VAV1: variants seen among roughly 807,000 people sequenced by gnomAD.
VAV1 encodes vav guanine nucleotide exchange factor 1, also known as proto-oncogene vav.
VAV1 carries 33 observed loss-of-function variants against 128.1 expected under a neutral mutation model. The ratio of observed to expected loss-of-function variants is 0.26; its 90% CI spans 0.20 to 0.34. The LOEUF is 0.34. Ranked by LOEUF, VAV1 falls within the 10% of genes least tolerant of loss-of-function variation. The pLI is 1.00. For synonymous variants in VAV1, 394 were observed against 409.8 expected, an observed-to-expected ratio of 0.96 and a Z score of 0.47; for missense variants, 715 against 1,093.7, an observed-to-expected ratio of 0.65 and a Z score of 4.88.
intron 6 of VAV1, 27 bp from the exon 7 acceptor site, chr19:6,825,026 C>T (rs779506427): frequency 4.7e-5 from 76 of 1,612,412 alleles, no homozygotes; most frequent in Non-Finnish European, 6.0e-5. Context: ...TCTTATCTTC[C>T]GTCATCTTTC....
chr19:6,831,592 G>A (rs1263202957), intron 14 of VAV1, among the ~76,000 whole-genome samples: 1 of 152,184 alleles, frequency 6.6e-6, no homozygotes, highest in East Asian at 1.9e-4. Context: ...GATTACAGGT[G>A]TAAGCCACCG....
At chr19:6,774,073 G>A (rs1202384670) in intron 1 of VAV1, among the ~76,000 whole-genome samples, 1 of 152,116 alleles carries the variant, frequency 6.6e-6, no homozygotes, top group Non-Finnish European at 1.5e-5. Flanking sequence ...GTTTTCAGGG[G>A]CAGGGCCATT....
chr19:6,856,782 T>C (rs1432002583), intron 26 of VAV1, among the ~76,000 whole-genome samples: 1 of 148,202 alleles, frequency 6.7e-6, no homozygotes, highest in Non-Finnish European at 1.5e-5. Context: ...CTAAGGAGTG[T>C]TGGGGTGGGT....
At chr19:6,845,752 ATTTAC>A (rs1408079479) in intron 22 of VAV1, among the ~76,000 whole-genome samples, 3 of 148,300 alleles carry the variant, frequency 2.0e-5, no homozygotes, top group Non-Finnish European at 4.5e-5. Context: ...TAGGTTACCT[ATTTAC>A]TTTACATTAT....
At chr19:6,789,622 G>A (rs1370766042) in intron 1 of VAV1, among the ~76,000 whole-genome samples, 1 of 144,810 alleles carries the variant, frequency 6.9e-6, no homozygotes, top group South Asian at 2.1e-4. Flanking sequence ...CTTTCTGATG[G>A]AGTCTCTCTC....
intron 1 of VAV1, among the ~76,000 whole-genome samples, chr19:6,781,873 G>T (rs1288706571): frequency 6.6e-6 from 1 of 152,112 alleles, no homozygotes; most frequent in Non-Finnish European, 1.5e-5. Context: ...CTCCCAAAGT[G>T]CTGGGATTAC....
At chr19:6,844,633 A>G (rs1236201181) in intron 22 of VAV1, among the ~76,000 whole-genome samples, 1 of 152,124 alleles carries the variant, frequency 6.6e-6, no homozygotes, top group Non-Finnish European at 1.5e-5. Context: ...AGGCCCAGAG[A>G]GGCAAAACCA....
chr19:6,828,331 A>G lies in VAV1; in HGVS notation c.1024-88A>G. The G allele has an allele frequency of 6.4e-7, 1 of 1,563,334 alleles. No homozygotes were observed. Among genetic ancestry groups the G allele is most frequent in the Non-Finnish European group, 8.8e-7 (1 of 1,138,338 alleles). ...TCCAGGGTCAGCAGTACGATGGAGG[A>G]GCTGGTGAGCTAGCATTGTTTGGAA... On this transcript the variant is annotated intron_variant, in intron 10 of 26. Coordinates refer to ENST00000602142, the MANE Select transcript of VAV1 (RefSeq NM_005428.4). The surrounding 1 kb of genome is among the most constrained non-coding windows in gnomAD (Gnocchi z 4.5).
chr19:6,833,782 A>G (rs1474600046), intron 18 of VAV1, 49 bp downstream of exon 18: 7 of 1,613,446 alleles, frequency 4.3e-6, no homozygotes, highest in African/African-American at 1.3e-5. Flanking sequence ...AATGGGCAAC[A>G]GCGCGGGGAG....
At chr19:6,836,740 C>G (rs1436309927) in intron 20 of VAV1, among the ~76,000 whole-genome samples, 172 bp downstream of exon 20, 1 of 151,678 alleles carries the variant, frequency 6.6e-6, no homozygotes, top group Non-Finnish European at 1.5e-5. Context: ...GGGCCATCTT[C>G]CCAGGAAGCT....
intron 21 of VAV1, among the ~76,000 whole-genome samples, chr19:6,840,129 C>T (rs1439788473): frequency 1.3e-5 from 2 of 152,158 alleles, no homozygotes; most frequent in Non-Finnish European, 2.9e-5. Context: ...CACCTATTCC[C>T]CTCTCCCAGC....
chr19:6,847,939 C>CA, intron 22 of VAV1, 59 bp from the exon 23 acceptor site: 3 of 1,406,080 alleles, frequency 2.1e-6, no homozygotes, highest in Middle Eastern at 5.2e-4. Flanking sequence ...CTCCATATGG[C>CA]AATATGGGGA....
intron 26 of VAV1, among the ~76,000 whole-genome samples, chr19:6,854,962 A>G (rs1972757258): frequency 6.6e-6 from 1 of 152,194 alleles, no homozygotes; most frequent in Non-Finnish European, 1.5e-5. Context: ...TACTGAATAT[A>G]CAAAGAGGTA....
rs1971920216 is a variant in VAV1 at position 6,826,430 on chromosome 19, A to C, written c.828-182A>C. ...CTGTGGTGAAATTACTGTAGCATTA[A>C]ATGAGATAATGCTACAATAGCCTCA... On this transcript the variant is annotated intron_variant, in intron 8 of 26. Coordinates refer to ENST00000602142, the MANE Select transcript of VAV1 (RefSeq NM_005428.4). The surrounding 1 kb of genome is among the most constrained non-coding windows in gnomAD (Gnocchi z 4.1). 6.6e-6 allele frequency among the ~76,000 whole-genome samples: 1 copy of C among 152,216 alleles called. No individual in the cohort carries two copies. Among genetic ancestry groups the C allele is most frequent in the African/African-American group, 2.4e-5 (1 of 41,468 alleles).
At chr19:6,843,919 T>C (rs545391871) in intron 22 of VAV1, among the ~76,000 whole-genome samples, 5 of 152,134 alleles carry the variant, frequency 3.3e-5, no homozygotes, top group South Asian at 4.2e-4. Flanking sequence ...TCTTTCATAA[T>C]GGCACATAAA....
chr19:6,838,861 T>C (rs1358307984), intron 21 of VAV1, among the ~76,000 whole-genome samples: 1 of 151,952 alleles, frequency 6.6e-6, no homozygotes, highest in Non-Finnish European at 1.5e-5. Context: ...CCTGAGTAGC[T>C]GGGACCACAG....
intron 26 of VAV1, among the ~76,000 whole-genome samples, chr19:6,856,201 G>C (rs1443821199): frequency 6.6e-6 from 1 of 152,118 alleles, no homozygotes; most frequent in Non-Finnish European, 1.5e-5. Flanking sequence ...TTAAGCTGAG[G>C]CAGGAGAATC....
At chr19:6,806,397 T>A (rs982753713) in intron 1 of VAV1, among the ~76,000 whole-genome samples, 3 of 152,216 alleles carry the variant, frequency 2.0e-5, no homozygotes, top group Non-Finnish European at 4.4e-5. Context: ...CAATTTTTTT[T>A]AATGAAAATA....
rs74862548 is a variant in VAV1 at position 6,820,975 on chromosome 19, G to A, written c.321+157G>A. Among the ~76,000 whole-genome samples the A allele has an allele frequency of 0.015, 2,333 of 152,324 alleles. 75 individuals carry two copies. Among genetic ancestry groups the A allele is most frequent in the African/African-American group, 0.054 (2,229 of 41,570 alleles). ...ACTGGCTTGGGATATGTGGAACTGGGTTTGAGTTCCTGCTCTGACACTTGC... is the reference window on the plus strand; with the variant it reads ...ACTGGCTTGGGATATGTGGAACTGGATTTGAGTTCCTGCTCTGACACTTGC... On this transcript the variant is annotated intron_variant, in intron 2 of 26. Coordinates refer to ENST00000602142, the MANE Select transcript of VAV1 (RefSeq NM_005428.4). The surrounding 1 kb of genome is among the most constrained non-coding windows in gnomAD (Gnocchi z 4.4).
Sources: gnomAD v4.1 joint callset for allele counts (sites outside exome capture counted in the v4.1 genomes callset) on GRCh38, gnomAD v4.1.1 for gene constraint, Gnocchi (gnomAD v3.1) non-coding constraint, MANE v1.5 for transcripts, NCBI Gene and HGNC (gene_info 2026-07-23, HGNC 2026-07-21) for gene names.